The following NIPBL variants were observed in gnomAD, a reference collection of about 807,000 sequenced individuals.
NIPBL encodes NIPBL cohesin loading factor.
Under a neutral mutation model 321.8 loss-of-function variants are expected in NIPBL, and 19 were observed. That is an observed-to-expected ratio of 0.06 (90% CI 0.04 to 0.09). The LOEUF (loss-of-function observed/expected upper bound fraction) is 0.09, where lower values mean the gene tolerates loss of function less well. Among genes scored for constraint, NIPBL ranks in the 10% least tolerant of loss-of-function variants. The probability of loss-of-function intolerance (pLI) is 1.00; values close to 1 mark genes in which losing one functional copy is unlikely to be tolerated. For missense variants in NIPBL, 2,210 were observed against 3,327.0 expected (o/e 0.66, Z 8.26); for synonymous variants, 1,106 against 1,114.1 (o/e 0.99, Z 0.14).
chr5:36,937,170 C>T (rs1054684130), intron 1 of NIPBL, among the ~76,000 whole-genome samples: 2 of 152,116 alleles, frequency 1.3e-5, no homozygotes, highest in Admixed American at 6.6e-5. Flanking sequence ...ACAGCAGAGT[C>T]AGACTTATTT....
chr5:36,903,251 C>T (rs1248164944), intron 1 of NIPBL, among the ~76,000 whole-genome samples: 1 of 152,078 alleles, frequency 6.6e-6, no homozygotes. Context: ...TATTCAGATG[C>T]CTTTTATTTC....
At chr5:37,055,965 G>A (rs1313225923) in intron 42 of NIPBL, among the ~76,000 whole-genome samples, 2 of 152,132 alleles carry the variant, frequency 1.3e-5, no homozygotes, top group East Asian at 3.9e-4. Flanking sequence ...GTGGCAGTGA[G>A]TGGTATCATG....
At chr5:36,916,016 A>G (rs1308044399) in intron 1 of NIPBL, among the ~76,000 whole-genome samples, 2 of 152,238 alleles carry the variant, frequency 1.3e-5, no homozygotes, top group African/African-American at 4.8e-5. Context: ...GTGGAAAAAG[A>G]TATGAGGAAC....
At chr5:37,012,316 ATTTT>A (rs752962035) in intron 21 of NIPBL, among the ~76,000 whole-genome samples, 1 of 134,690 alleles carries the variant, frequency 7.4e-6, no homozygotes, top group Non-Finnish European at 1.6e-5. Context: ...TGCCGGGCTA[ATTTT>A]TTTTTTTTTT....
chr5:36,883,556 C>T (rs1032283549), intron 1 of NIPBL, among the ~76,000 whole-genome samples: 2 of 92,476 alleles, frequency 2.2e-5, no homozygotes, highest in African/African-American at 1.7e-4. Context: ...GTCTAAAACA[C>T]TAATTATTAA....
intron 6 of NIPBL, 23 bp downstream of exon 6, chr5:36,962,297 C>T (rs1561083600): frequency 1.2e-6 from 2 of 1,613,486 alleles, no homozygotes; most frequent in East Asian, 2.2e-5. Context: ...TTTGTAACTT[C>T]ACTGGGAATG....
chr5:36,904,936 T>C (rs1028799451), intron 1 of NIPBL, among the ~76,000 whole-genome samples: 3 of 152,096 alleles, frequency 2.0e-5, no homozygotes, highest in African/African-American at 4.8e-5. Flanking sequence ...AAACACACAA[T>C]AGGAGGGAAT....
chr5:37,039,385 A>G (rs1391282221), intron 34 of NIPBL, among the ~76,000 whole-genome samples: 1 of 151,690 alleles, frequency 6.6e-6, no homozygotes, highest in East Asian at 1.9e-4. Context: ...GGCTGTTAAT[A>G]TTAACATACA....
At chr5:37,003,237 A>G (rs760929296) in intron 15 of NIPBL, 24 bp from the exon 16 acceptor site, 1 of 1,322,960 alleles carries the variant, frequency 7.6e-7, no homozygotes, top group Non-Finnish European at 1.1e-6. Flanking sequence ...AACGATTGAT[A>G]AAGAATTTAT....
At chr5:37,049,791 AT>A (rs1219254212) in intron 40 of NIPBL, among the ~76,000 whole-genome samples, 3 of 152,228 alleles carry the variant, frequency 2.0e-5, no homozygotes, top group Non-Finnish European at 2.9e-5. Context: ...TAATAAAGAC[AT>A]TAGTGTTACT....
At chr5:36,879,492 CAT>C (rs1331088679) in intron 1 of NIPBL, among the ~76,000 whole-genome samples, 1 of 152,080 alleles carries the variant, frequency 6.6e-6, no homozygotes, top group Non-Finnish European at 1.5e-5. Context: ...AAGGAGAAAA[CAT>C]TGTGTAAAAT....
intron 8 of NIPBL, among the ~76,000 whole-genome samples, 176 bp downstream of exon 8, chr5:36,972,217 A>G (rs556027435): frequency 6.6e-6 from 1 of 152,222 alleles, no homozygotes; most frequent in East Asian, 1.9e-4. Context: ...GTCCCTATTC[A>G]TTGATTCATT....
intron 6 of NIPBL, among the ~76,000 whole-genome samples, chr5:36,964,518 T>C (rs2149610740): frequency 6.6e-6 from 1 of 152,178 alleles, no homozygotes; most frequent in South Asian, 2.1e-4. Context: ...CAATAAATAA[T>C]GCTGTGAAAA....
chr5:36,955,574 G>A lies in NIPBL; in HGVS notation c.167G>A (p.Cys56Tyr). The A allele has an allele frequency of 1.2e-6, 2 of 1,614,010 alleles. No homozygotes were observed. Among genetic ancestry groups the A allele is most frequent in the Non-Finnish European group, 1.7e-6 (2 of 1,179,972 alleles). ...GAAGAGGTGAACTGCCTTTTGGCTT[G>A]TAGGGATGACAATTTGGTTTCACAG... ...IAEEVNCLLA[C>Y]RDDNLVSQLV... The change falls in exon 3 of 47, where the codon TGT becomes TAT. Residue 56 changes from cysteine to tyrosine, a missense_variant. Coordinates refer to ENST00000282516, the MANE Select transcript of NIPBL (RefSeq NM_133433.4).
Position 37,027,342 on chromosome 5 carries a change from C to T in NIPBL, c.5809-17C>T. The T allele has an allele frequency of 1.3e-6, 2 of 1,595,184 alleles. No homozygotes were observed. The highest frequency in any genetic ancestry group is 1.7e-6 in the Non-Finnish European group (2 of 1,163,040). ...TATAAATATACTTCTAACTTTGATTCTTTTCATCACCCTTAGGTTGCAGCA... is the reference window on the plus strand; with the variant it reads ...TATAAATATACTTCTAACTTTGATTTTTTTCATCACCCTTAGGTTGCAGCA... On this transcript the variant is annotated splice_polypyrimidine_tract_variant and intron_variant, in intron 31 of 46. Coordinates refer to ENST00000282516, the MANE Select transcript of NIPBL (RefSeq NM_133433.4).
chr5:36,987,933 T>C (rs1436586952), intron 10 of NIPBL, among the ~76,000 whole-genome samples: 1 of 152,170 alleles, frequency 6.6e-6, no homozygotes, highest in Non-Finnish European at 1.5e-5. Flanking sequence ...AGTGAAAGTT[T>C]GGGAGTAGCT....
chr5:37,031,174 C>T (rs1302873725), intron 32 of NIPBL, among the ~76,000 whole-genome samples: 2 of 151,844 alleles, frequency 1.3e-5, no homozygotes, highest in East Asian at 1.9e-4. Flanking sequence ...TTAGTAGAGA[C>T]GGGGTTTCAC....
chr5:36,895,258 C>G (rs1746646407), intron 1 of NIPBL, among the ~76,000 whole-genome samples: 1 of 152,136 alleles, frequency 6.6e-6, no homozygotes, highest in Non-Finnish European at 1.5e-5. Flanking sequence ...TTGTGTCTGG[C>G]TTCTTTTAAT....
chr5:37,061,864 G>A (rs1754713033), intron 45 of NIPBL, among the ~76,000 whole-genome samples: 5 of 151,974 alleles, frequency 3.3e-5, no homozygotes, highest in East Asian at 1.9e-4. Flanking sequence ...GTTTTGAGAC[G>A]GAGTTTCACT....
Sources: allele counts gnomAD v4.1 joint callset (sites outside exome capture counted in the v4.1 genomes callset), GRCh38; gene constraint gnomAD v4.1.1; transcripts MANE v1.5; gene names NCBI Gene and HGNC (gene_info 2026-07-23, HGNC 2026-07-21).